MEOX1: variants seen among roughly 807,000 people sequenced by gnomAD.
MEOX1 encodes mesenchyme homeobox 1, also known as homeobox protein MOX-1.
MEOX1 carries 17 observed loss-of-function variants against 23.2 expected under a neutral mutation model. That is an observed-to-expected ratio of 0.73 (90% CI 0.50 to 1.10). MEOX1 has a LOEUF of 1.10. Among genes scored for constraint, MEOX1 ranks in the 50% least tolerant of loss-of-function variants. The pLI is 0.00. For missense variants in MEOX1, 333 were observed against 332.2 expected (o/e 1.00, Z -0.02); for synonymous variants, 134 against 135.1 (o/e 0.99, Z 0.06).
At position 43,657,099 on chromosome 17, in the gene MEOX1, TTC is replaced by T. The variant is rs541825452; in HGVS notation, c.469+3965_469+3966del. Among the ~76,000 whole-genome samples the T allele has an allele frequency of 1.6e-4, 24 of 149,414 alleles. No individual in the cohort carries two copies. The East Asian group carries it at 3.3e-3, about 21-fold the overall frequency. On this transcript the variant is annotated intron_variant, in intron 1 of 2. Coordinates refer to ENST00000318579, the MANE Select transcript of MEOX1 (RefSeq NM_004527.4). ...CTTTCTTTTCTTTCTTTCTTTTTCT[TTC>T]TCTCTTTTTCTCTCTGTCTCCTTCC...
At position 43,661,827 on chromosome 17, in the gene MEOX1, C is replaced by T. The variant is rs549020930; in HGVS notation, c.-293G>A. On this transcript the variant is annotated 5_prime_UTR_variant, in exon 1 of 3. Transcript: ENST00000318579. ...TGGGATCCCCTGTATGTGTATTTGT[C>T]GCCAATGACACTAAACATTTTCACT... 1 of 326,752 alleles carries T rather than the reference C, an allele frequency of 3.1e-6. No individual in the cohort carries two copies. The highest frequency in any genetic ancestry group is 5.5e-6 in the Non-Finnish European group (1 of 181,482). 20.2% of individuals were successfully genotyped at this position (326,752 alleles called of 1,614,324 possible).
chr17:43,642,762 C>T (rs945783257), intron 2 of MEOX1, among the ~76,000 whole-genome samples: 1 of 152,140 alleles, frequency 6.6e-6, no homozygotes, highest in African/African-American at 2.4e-5. Context: ...GGAGAATGTA[C>T]TAGAAATACA....
intron 1 of MEOX1, among the ~76,000 whole-genome samples, chr17:43,651,081 G>A (rs948938661): frequency 6.6e-6 from 1 of 152,200 alleles, no homozygotes; most frequent in African/African-American, 2.4e-5. Flanking sequence ...CACTTTGGGA[G>A]GCCGAGGCGG....
At chr17:43,644,223 G>T (rs1972760283) in intron 1 of MEOX1, among the ~76,000 whole-genome samples, 1 of 152,238 alleles carries the variant, frequency 6.6e-6, no homozygotes. Flanking sequence ...ACCACTCAAA[G>T]GAGTGCCTGG....
chr17:43,645,199 T>C (rs1191247631), intron 1 of MEOX1, among the ~76,000 whole-genome samples: 3 of 135,040 alleles, frequency 2.2e-5, no homozygotes, highest in African/African-American at 8.8e-5. Flanking sequence ...TTTTTTGAGA[T>C]GGAGTCTCGC....
chr17:43,657,012 C>CTTTCTTTCTTTCTTTCTT (rs1555567818), intron 1 of MEOX1, among the ~76,000 whole-genome samples: 9 of 105,084 alleles, frequency 8.6e-5, no homozygotes, highest in East Asian at 2.7e-4. Context: ...TTCTTTCTTT[C>CTTTCTTTCTTTCTTTCTT]TCTTTCTTTC....
chr17:43,660,907 C>A (rs915043927), intron 1 of MEOX1, among the ~76,000 whole-genome samples, 159 bp downstream of exon 1: 1 of 152,182 alleles, frequency 6.6e-6, no homozygotes. Context: ...AATCCTAGAA[C>A]TCTCAGTGGA....
intron 1 of MEOX1, among the ~76,000 whole-genome samples, chr17:43,660,432 CT>C (rs1973114953): frequency 6.6e-6 from 1 of 152,202 alleles, no homozygotes; most frequent in South Asian, 2.1e-4. Flanking sequence ...TGTCTGTCCC[CT>C]TGGCCTGGAC....
In MEOX1 at chr17:43,652,988, C is replaced by T. The variant is rs1371359672; in HGVS notation, c.469+8078G>A. 2.6e-5 allele frequency among the ~76,000 whole-genome samples: 4 copies of T among 151,790 alleles called. No homozygotes were observed. In the South Asian group the frequency reaches 6.3e-4, roughly 24 times the overall value. On this transcript the variant is annotated intron_variant, in intron 1 of 2. Coordinates refer to ENST00000318579, the MANE Select transcript of MEOX1 (RefSeq NM_004527.4). ...CTGGGACTACTGGCGCCTGCCACCA[C>T]GCTTGGCTAATTTTTTTATATTTTT...
chr17:43,643,475 AC>A lies in MEOX1; in HGVS notation c.642+12del. 6.4e-7 allele frequency: 1 copy of A among 1,560,910 alleles called. No homozygotes were observed. Among genetic ancestry groups the A allele is most frequent in the Non-Finnish European group, 8.7e-7 (1 of 1,151,164 alleles). Reference sequence around the variant, plus strand: ...AGAGAGCAAAGAAGAGGAGGGGCCCACCGGGGGCGCACCTGGCGCTCAGAGA... The same window carrying A: ...AGAGAGCAAAGAAGAGGAGGGGCCCACGGGGGCGCACCTGGCGCTCAGAGA... On this transcript the variant is annotated intron_variant, in intron 2 of 2. Transcript: ENST00000318579.
intron 1 of MEOX1, among the ~76,000 whole-genome samples, chr17:43,651,314 G>A (rs530222711): frequency 3.0e-4 from 45 of 152,184 alleles, no homozygotes; most frequent in African/African-American, 9.2e-4. Flanking sequence ...GTGAGACTCC[G>A]TCTCAGAAAA....
At chr17:43,655,147 A>G (rs1195025960) in intron 1 of MEOX1, among the ~76,000 whole-genome samples, 1 of 152,062 alleles carries the variant, frequency 6.6e-6, no homozygotes, top group Non-Finnish European at 1.5e-5. Context: ...AGGTGGAAGC[A>G]ACCTACATGT....
At chr17:43,657,679 C>T (rs1357986664) in intron 1 of MEOX1, among the ~76,000 whole-genome samples, 1 of 152,158 alleles carries the variant, frequency 6.6e-6, no homozygotes, top group African/African-American at 2.4e-5. Context: ...CAACTCACCC[C>T]ATAACCTCTC....
In MEOX1 at chr17:43,661,282, G is replaced by A; in HGVS notation, c.253C>T (p.His85Tyr). ...TTGGGGGACTGTGGGAAAGCGGGGT[G>A]CTGCTCAGTGAAGATGTGCTCCTCC... is the stretch of plus-strand genomic sequence containing the variant. ...PQEEHIFTEQ[H>Y]PAFPQSPNWH... The change falls in exon 1 of 3, where the codon CAC (histidine) becomes TAC (tyrosine). Residue 85 changes from histidine (H) to tyrosine (Y), a missense_variant. Physicochemically the swap from His to Tyr is moderately conservative, Grantham distance 83 (BLOSUM62 2). Transcript: ENST00000318579. 1.9e-5 allele frequency: 31 copies of A among 1,610,402 alleles called. No individual in the cohort carries two copies. The highest frequency in any genetic ancestry group is 2.6e-5 in the Non-Finnish European group (31 of 1,177,790).
rs544228550 is a variant in MEOX1 at position 43,643,475 on chromosome 17, A to C, written c.642+13T>G. 2 of 1,560,792 alleles carry C rather than the reference A, an allele frequency of 1.3e-6. No individual in the cohort carries two copies. Among genetic ancestry groups the C allele is most frequent in the African/African-American group, 2.7e-5 (2 of 73,760 alleles). On this transcript the variant is annotated intron_variant, in intron 2 of 2. Coordinates refer to ENST00000318579, the MANE Select transcript of MEOX1 (RefSeq NM_004527.4). Reference sequence around the variant, plus strand: ...AGAGAGCAAAGAAGAGGAGGGGCCCACCGGGGGCGCACCTGGCGCTCAGAG... The same window carrying C: ...AGAGAGCAAAGAAGAGGAGGGGCCCCCCGGGGGCGCACCTGGCGCTCAGAG...
intron 1 of MEOX1, among the ~76,000 whole-genome samples, chr17:43,657,051 T>TTTCTTTCTTTCTTTC (rs769043105): frequency 5.5e-4 from 77 of 140,526 alleles, no homozygotes; most frequent in Admixed American, 1.8e-3. Flanking sequence ...TCTTTCTTTC[T>TTTCTTTCTTTCTTTC]TTCTTTCCTT....
chr17:43,649,521 C>T (rs1056053358), intron 1 of MEOX1, among the ~76,000 whole-genome samples: 7 of 151,942 alleles, frequency 4.6e-5, no homozygotes, highest in Non-Finnish European at 1.0e-4. Context: ...TGGCCAGGCT[C>T]GTCTCGAACT....
In MEOX1 at chr17:43,661,346, T is replaced by A. The variant is rs367782056; in HGVS notation, c.189A>T (p.Ser63=). The A allele has an allele frequency of 6.2e-7, 1 of 1,613,228 alleles. No individual in the cohort carries two copies. The highest frequency in any genetic ancestry group is 8.5e-7 in the Non-Finnish European group (1 of 1,179,738). The change falls in exon 1 of 3, where the codon TCA becomes TCT. Residue 63 remains serine (S), a synonymous_variant. Coordinates refer to ENST00000318579, the MANE Select transcript of MEOX1 (RefSeq NM_004527.4). ...ATATAAYPDF[S]ASCLAATPHS... Reference sequence around the variant, plus strand: ...GTGGGGTGGCTGCCAGGCAGGAGGCTGAGAAGTCAGGGTACGCTGCCGTCG... The same window carrying A: ...GTGGGGTGGCTGCCAGGCAGGAGGCAGAGAAGTCAGGGTACGCTGCCGTCG...
Position 43,642,025 on chromosome 17 carries a change from A to G in MEOX1, c.650T>C (p.Val217Ala), listed in dbSNP as rs1342705953. ...NLDLSERQVK[V>A]WFQNRRMKWK... ...CTTCATCCTTCGGTTCTGGAACCAC[A>G]CTTTGACCTGGGGGAGGAAGCAAAG... Residue 217 changes from valine (V) to alanine (A), a missense_variant, in exon 3 of 3, where the codon GTG becomes GCG. Val to Ala is a moderately conservative substitution (Grantham distance 64). Transcript: ENST00000318579. 1.2e-6 allele frequency: 2 copies of G among 1,613,194 alleles called. No homozygotes were observed. The highest frequency in any genetic ancestry group is 1.1e-5 in the South Asian group (1 of 90,942).
Sources: allele counts gnomAD v4.1 joint callset (sites outside exome capture counted in the v4.1 genomes callset), GRCh38; gene constraint gnomAD v4.1.1; transcripts MANE v1.5; gene names NCBI Gene and HGNC (gene_info 2026-07-23, HGNC 2026-07-21).